CALN1: variants seen among roughly 807,000 people sequenced by gnomAD.
CALN1 encodes the protein calcium-binding protein 8.
In CALN1, 17 loss-of-function variants were observed where a neutral mutation model predicts 30.6. The observed-to-expected ratio is 0.56, with a 90% confidence interval of 0.38 to 0.83. The LOEUF is 0.83. Ranked by LOEUF, CALN1 falls within the 40% of genes least tolerant of loss-of-function variation. The pLI, the probability that CALN1 is intolerant of heterozygous loss-of-function variation, is 0.00. For synonymous variants in CALN1, 156 were observed against 131.4 expected (o/e 1.19, Z -1.28); for missense variants, 291 against 354.9 (o/e 0.82, Z 1.45).
chr7:72,416,686 G>A (rs139619299), upstream of CALN1, among the ~76,000 whole-genome samples: 2,952 of 127,266 alleles, frequency 0.023, 50 homozygotes, highest in Admixed American at 0.047. Flanking sequence ...AGTGAGCCGA[G>A]ATCGCGTCAC....
intron 4 of CALN1, among the ~76,000 whole-genome samples, chr7:72,098,760 G>GCACACACACA (rs1491327481): frequency 0.02 from 2,073 of 101,326 alleles, 55 homozygotes; most frequent in East Asian, 0.037. Flanking sequence ...AGCCCATTTG[G>GCACACACACA]CGCGCACACA....
At chr7:72,026,380 G>A (rs1022256472) in intron 4 of CALN1, among the ~76,000 whole-genome samples, 1 of 152,110 alleles carries the variant, frequency 6.6e-6, no homozygotes, top group Non-Finnish European at 1.5e-5. Context: ...GAGGTCAGGA[G>A]TTCGAGACCA....
chr7:71,807,359 T>C (rs1372825289), intron 6 of CALN1, among the ~76,000 whole-genome samples: 6 of 152,166 alleles, frequency 3.9e-5, no homozygotes, highest in African/African-American at 1.4e-4. Flanking sequence ...CTGCCCAAAA[T>C]GCAACCAGGG....
intron 3 of CALN1, among the ~76,000 whole-genome samples, chr7:72,194,680 C>T (rs1790866430): frequency 6.7e-6 from 1 of 150,268 alleles, no homozygotes; most frequent in Non-Finnish European, 1.5e-5. Context: ...AAACCTCTGC[C>T]CCCTGGGTTC....
chr7:72,423,576 T>C (rs993932), intron 1 of CALN1, among the ~76,000 whole-genome samples: 64,963 of 151,982 alleles, frequency 0.43, 14,760 homozygotes, highest in East Asian at 0.66. Context: ...TGTAACACAC[T>C]TGCTCTAAGA....
intron 2 of CALN1, among the ~76,000 whole-genome samples, chr7:72,281,019 C>T (rs1797701822): frequency 6.6e-6 from 1 of 151,930 alleles, no homozygotes; most frequent in Non-Finnish European, 1.5e-5. Flanking sequence ...TAGTGCACAC[C>T]TGTAATCTCA....
At chr7:72,010,045 T>C (rs1799983987) in intron 5 of CALN1, among the ~76,000 whole-genome samples, 1 of 152,108 alleles carries the variant, frequency 6.6e-6, no homozygotes, top group Admixed American at 6.6e-5. Flanking sequence ...GAAAGGAAGG[T>C]AACAAAATTG....
At chr7:71,980,157 G>A (rs373876545) in intron 5 of CALN1, among the ~76,000 whole-genome samples, 12 of 144,088 alleles carry the variant, frequency 8.3e-5, no homozygotes, top group Admixed American at 2.8e-4. Flanking sequence ...GATTACGGGC[G>A]TGAGCCACCA....
At chr7:72,000,229 T>G (rs1225320064) in intron 5 of CALN1, among the ~76,000 whole-genome samples, 1 of 151,384 alleles carries the variant, frequency 6.6e-6, no homozygotes, top group East Asian at 1.9e-4. Context: ...GAAAAATCAT[T>G]GAAACAAAAG....
At chr7:72,290,103 A>T (rs1466891207) in intron 2 of CALN1, among the ~76,000 whole-genome samples, 17 of 136,624 alleles carry the variant, frequency 1.2e-4, no homozygotes, top group African/African-American at 4.6e-4. Context: ...AAAAAAAAAA[A>T]AAAAAAAAAA....
intron 3 of CALN1, among the ~76,000 whole-genome samples, chr7:72,143,694 T>C (rs570980089): frequency 1.4e-4 from 21 of 151,922 alleles, no homozygotes; most frequent in African/African-American, 4.8e-4. Context: ...AAAGTTGAAA[T>C]GAAGAAAAAA....
intron 5 of CALN1, among the ~76,000 whole-genome samples, chr7:71,820,062 A>G (rs1332780408): frequency 6.6e-6 from 1 of 152,248 alleles, no homozygotes; most frequent in East Asian, 1.9e-4. Context: ...AACTAACATT[A>G]AAACAGAGTA....
the CALN1 span, among the ~76,000 whole-genome samples, chr7:72,495,910 T>C: frequency 6.6e-6 from 1 of 152,196 alleles, no homozygotes; most frequent in Admixed American, 6.5e-5. Context: ...TTTCTTCTAT[T>C]CCAATTTGTT....
the CALN1 span, among the ~76,000 whole-genome samples, chr7:72,457,681 C>T: frequency 6.6e-6 from 1 of 152,126 alleles, no homozygotes; most frequent in South Asian, 2.1e-4. Flanking sequence ...AGCTATTCAT[C>T]CCTCCACAGG....
chr7:71,790,359 GAAAGAAAGA>G (rs1423080284), intron 6 of CALN1, among the ~76,000 whole-genome samples: 1 of 95,388 alleles, frequency 1.0e-5, no homozygotes, highest in African/African-American at 3.7e-5. Flanking sequence ...AAGAAAGAAA[GAAAGAAAGA>G]AAAGAAAGAA....
At chr7:72,491,608 T>C in the CALN1 span, among the ~76,000 whole-genome samples, 1 of 152,114 alleles carries the variant, frequency 6.6e-6, no homozygotes, top group African/African-American at 2.4e-5. Flanking sequence ...CTGACAAGGG[T>C]TCTTTTCTTT....
intron 5 of CALN1, among the ~76,000 whole-genome samples, chr7:71,829,782 G>A (rs1789150739): frequency 6.6e-6 from 1 of 152,178 alleles, no homozygotes; most frequent in Non-Finnish European, 1.5e-5. Flanking sequence ...ATGATGAAAT[G>A]GGAAACAAAC....
At chr7:72,192,440 G>A (rs1790674846) in intron 3 of CALN1, among the ~76,000 whole-genome samples, 1 of 152,122 alleles carries the variant, frequency 6.6e-6, no homozygotes, top group African/African-American at 2.4e-5. Context: ...CTGTCAATCT[G>A]CCTAGAGGCT....
intron 3 of CALN1, among the ~76,000 whole-genome samples, chr7:72,242,245 T>C (rs542459903): frequency 6.6e-6 from 1 of 152,316 alleles, no homozygotes; most frequent in South Asian, 2.1e-4. Context: ...TTCCATTCAA[T>C]GGCTATACCA....
Sources: allele counts gnomAD v4.1 joint callset (sites outside exome capture counted in the v4.1 genomes callset), GRCh38; gene constraint gnomAD v4.1.1; transcripts MANE v1.5; gene names NCBI Gene and HGNC (gene_info 2026-07-23, HGNC 2026-07-21).